Variants in RCAN1 observed in about 807,000 individuals in gnomAD.
RCAN1 encodes calcipressin-1.
Under a neutral mutation model 22.9 loss-of-function variants are expected in RCAN1, and 11 were observed. That is an observed-to-expected ratio of 0.48 (90% confidence interval 0.30 to 0.79). The LOEUF (loss-of-function observed/expected upper bound fraction) is 0.79, where lower values mean the gene tolerates loss of function less well. Ranked by LOEUF, RCAN1 falls within the 30% of genes least tolerant of loss-of-function variation. The probability of loss-of-function intolerance (pLI) is 0.06; values close to 1 mark genes in which losing one functional copy is unlikely to be tolerated. For missense variants in RCAN1, 291 were observed against 337.8 expected, an observed-to-expected ratio of 0.86 and a Z score of 1.09; for synonymous variants, 136 against 142.3, an observed-to-expected ratio of 0.96 and a Z score of 0.32.
chr21:34,586,232 T>C (rs1987789909), intron 1 of RCAN1, among the ~76,000 whole-genome samples: 1 of 152,230 alleles, frequency 6.6e-6, no homozygotes, highest in African/African-American at 2.4e-5. Context: ...TGCATCTATA[T>C]ATGTTGTTGT....
At chr21:34,541,638 T>C (rs1001877955) in intron 1 of RCAN1, among the ~76,000 whole-genome samples, 5 of 152,232 alleles carry the variant, frequency 3.3e-5, no homozygotes, top group Admixed American at 2.0e-4. Flanking sequence ...ATTTTAAAAA[T>C]AAATGCTATT....
chr21:34,599,007 A>T (rs552789354), intron 1 of RCAN1, among the ~76,000 whole-genome samples: 1 of 152,310 alleles, frequency 6.6e-6, no homozygotes, highest in Admixed American at 6.5e-5. Context: ...AATCCCCAGT[A>T]CTGGTGAGAA....
chr21:34,559,355 G>C (rs1197197251), intron 1 of RCAN1: 1 of 152,180 alleles, frequency 6.6e-6, no homozygotes, highest in East Asian at 1.9e-4. Flanking sequence ...TCAGATGAGT[G>C]CAACTTCAAG....
intron 1 of RCAN1, among the ~76,000 whole-genome samples, chr21:34,564,268 C>G (rs1986924372): frequency 6.6e-6 from 1 of 152,154 alleles, no homozygotes. Context: ...GATTACAATT[C>G]AAGATGAGAT....
chr21:34,567,978 T>G (rs868159661), intron 1 of RCAN1, among the ~76,000 whole-genome samples: 4 of 152,312 alleles, frequency 2.6e-5, no homozygotes, highest in Middle Eastern at 3.4e-3. Flanking sequence ...TTCCATCTGA[T>G]AGCTAAGCGC....
At chr21:34,567,300 T>C (rs913213827) in intron 1 of RCAN1, among the ~76,000 whole-genome samples, 6 of 152,058 alleles carry the variant, frequency 3.9e-5, no homozygotes, top group African/African-American at 1.2e-4. Context: ...ATCGAGACCA[T>C]CCAGGCTAAC....
chr21:34,536,377 CA>C (rs1371971258), intron 1 of RCAN1, among the ~76,000 whole-genome samples: 1 of 152,204 alleles, frequency 6.6e-6, no homozygotes, highest in African/African-American at 2.4e-5. Flanking sequence ...ACTGCAGCAG[CA>C]AAAACCTGGG....
At chr21:34,542,257 C>T (rs1394648302) in intron 1 of RCAN1, among the ~76,000 whole-genome samples, 1 of 152,218 alleles carries the variant, frequency 6.6e-6, no homozygotes, top group Non-Finnish European at 1.5e-5. Flanking sequence ...TGTATGTCCC[C>T]TGCCCTTGAA....
chr21:34,520,188 T>C (rs1032699201), intron 3 of RCAN1, among the ~76,000 whole-genome samples: 10 of 152,180 alleles, frequency 6.6e-5, no homozygotes, highest in Admixed American at 2.6e-4. Context: ...TTACGTCTAT[T>C]TCCTAAAAAG....
intron 1 of RCAN1, among the ~76,000 whole-genome samples, chr21:34,539,374 A>G (rs1423221324): frequency 6.6e-6 from 1 of 152,242 alleles, no homozygotes; most frequent in Non-Finnish European, 1.5e-5. Context: ...AAAGATGTTC[A>G]AGACTTGCTG....
chr21:34,521,003 C>G (rs527295374), intron 3 of RCAN1: 16 of 1,009,468 alleles, frequency 1.6e-5, no homozygotes, highest in Non-Finnish European at 1.9e-5. Context: ...GGCAGCCCGA[C>G]CGCGGCCCTT....
chr21:34,606,267 T>C (rs1404665883), intron 1 of RCAN1, among the ~76,000 whole-genome samples: 1 of 152,144 alleles, frequency 6.6e-6, no homozygotes, highest in Non-Finnish European at 1.5e-5. Context: ...CGCAACCCTA[T>C]AAAACTTCCT....
intron 1 of RCAN1, among the ~76,000 whole-genome samples, chr21:34,556,340 C>T (rs942844601): frequency 2.7e-5 from 4 of 149,622 alleles, no homozygotes; most frequent in Non-Finnish European, 4.4e-5. Flanking sequence ...GTAGGAGAAT[C>T]GCTTGAGCCC....
At chr21:34,562,909 C>T (rs1473895145) in intron 1 of RCAN1, among the ~76,000 whole-genome samples, 1 of 152,192 alleles carries the variant, frequency 6.6e-6, no homozygotes, top group Non-Finnish European at 1.5e-5. Context: ...GCATCCATGG[C>T]AACCTGCTGC....
At chr21:34,572,340 G>C (rs2123684529) in intron 1 of RCAN1, among the ~76,000 whole-genome samples, 1 of 152,226 alleles carries the variant, frequency 6.6e-6, no homozygotes, top group East Asian at 1.9e-4. Context: ...GGAGGCGCCT[G>C]TAGCTCCGAC....
chr21:34,553,890 CA>C (rs1328892397), intron 1 of RCAN1, among the ~76,000 whole-genome samples: 2 of 152,176 alleles, frequency 1.3e-5, no homozygotes, highest in African/African-American at 4.8e-5. Context: ...GGATAAGAAG[CA>C]GCAACTACAC....
At chr21:34,573,719 T>TTG in intron 1 of RCAN1, among the ~76,000 whole-genome samples, 2 of 152,322 alleles carry the variant, frequency 1.3e-5, no homozygotes, top group Non-Finnish European at 2.9e-5. Flanking sequence ...GTCCTTTCTC[T>TTG]GGTATGTCAA....
At chr21:34,527,896 A>G (rs1030008306) in intron 1 of RCAN1, among the ~76,000 whole-genome samples, 1 of 152,004 alleles carries the variant, frequency 6.6e-6, no homozygotes, top group Non-Finnish European at 1.5e-5. Flanking sequence ...AATGGAAAGA[A>G]TGTACACTAT....
chr21:34,523,486 AAGGG>A (rs758525913), intron 2 of RCAN1, 47 bp downstream of exon 2: 29 of 1,582,798 alleles, frequency 1.8e-5, no homozygotes, highest in Non-Finnish European at 2.3e-5. Context: ...TGCTTTACAA[AAGGG>A]AGGGAGGGAG....
Sources: allele counts gnomAD v4.1 joint callset (sites outside exome capture counted in the v4.1 genomes callset), GRCh38; gene constraint gnomAD v4.1.1; transcripts MANE v1.5; gene names NCBI Gene and HGNC (gene_info 2026-07-23, HGNC 2026-07-21).